SCFD1: variants seen among roughly 807,000 people sequenced by gnomAD.
The protein encoded by SCFD1 is sec1 family domain containing 1.
A neutral mutation model predicts 103.2 loss-of-function variants in SCFD1; 37 were observed. The observed-to-expected ratio is 0.36, with a 90% confidence interval of 0.28 to 0.47. SCFD1 has a LOEUF of 0.47. Ranked by LOEUF, SCFD1 falls within the 20% of genes least tolerant of loss-of-function variation. The probability of loss-of-function intolerance (pLI) is 1.00; values close to 1 mark genes in which losing one functional copy is unlikely to be tolerated. For synonymous variants in SCFD1, 264 were observed against 245.0 expected (o/e 1.08, Z -0.73); for missense variants, 639 against 761.2 (o/e 0.84, Z 1.89).
intron 6 of SCFD1, among the ~76,000 whole-genome samples, chr14:30,642,451 A>G (rs1247438583): frequency 1.5e-4 from 23 of 152,218 alleles, no homozygotes; most frequent in Admixed American, 1.5e-3. Flanking sequence ...GGAAAGGGAT[A>G]AGAATCTTTA....
intron 23 of SCFD1, among the ~76,000 whole-genome samples, chr14:30,731,441 C>T (rs1468849010): frequency 6.6e-6 from 1 of 152,146 alleles, no homozygotes; most frequent in Non-Finnish European, 1.5e-5. Context: ...TTACCTTGGG[C>T]AGTATGGCCA....
chr14:30,632,161 G>C (rs766882789), intron 3 of SCFD1, among the ~76,000 whole-genome samples: 39 of 150,524 alleles, frequency 2.6e-4, no homozygotes, highest in Non-Finnish European at 5.3e-4. Context: ...TAAGCTATTT[G>C]CATTTTGTTC....
chr14:30,634,963 G>A (rs1191669469), intron 4 of SCFD1: 1 of 455,896 alleles, frequency 2.2e-6, no homozygotes, highest in East Asian at 6.9e-5. Context: ...TCAATATTTA[G>A]ATGAGTCACC....
rs59654790 is a variant in SCFD1 at position 30,724,072 on chromosome 14, TA to T, written c.1836+1537del. Reference sequence around the variant, plus strand: ...TTTCTCCAAAACCTCACCAGTATCTTAAAAAAAAAAAAAAAAAAAAAAAAGG... The same window carrying T: ...TTTCTCCAAAACCTCACCAGTATCTTAAAAAAAAAAAAAAAAAAAAAAAGG... On this transcript the variant is annotated intron_variant, in intron 23 of 24. Coordinates refer to ENST00000458591, the MANE Select transcript of SCFD1 (RefSeq NM_016106.4). Among the ~76,000 whole-genome samples, 744 of 91,328 alleles carry T rather than the reference TA, an allele frequency of 8.1e-3. 6 individuals carry two copies. The highest frequency in any genetic ancestry group is 0.029 in the African/African-American group (573 of 19,784). 59.9% of individuals were successfully genotyped at this position (91,328 alleles called of 152,430 possible).
chr14:30,652,385 T>G (rs1886481534), intron 9 of SCFD1: 1 of 152,178 alleles, frequency 6.6e-6, no homozygotes, highest in African/African-American at 2.4e-5. Flanking sequence ...ATCATATGCC[T>G]TCTCTGTTAA....
intron 11 of SCFD1, among the ~76,000 whole-genome samples, chr14:30,672,826 T>G (rs1481573222): frequency 2.6e-5 from 4 of 152,196 alleles, no homozygotes; most frequent in Non-Finnish European, 5.9e-5. Context: ...CAGGTGATAT[T>G]TTTAAATGCT....
chr14:30,730,103 G>A (rs1893343168), intron 23 of SCFD1, among the ~76,000 whole-genome samples: 1 of 152,176 alleles, frequency 6.6e-6, no homozygotes, highest in Admixed American at 6.6e-5. Flanking sequence ...GTGAGAACAT[G>A]CAGTGTTTGG....
At chr14:30,636,735 A>G (rs938174064) in intron 4 of SCFD1, among the ~76,000 whole-genome samples, 2 of 152,028 alleles carry the variant, frequency 1.3e-5, no homozygotes, top group African/African-American at 4.8e-5. Flanking sequence ...TTAGCTTGTC[A>G]TAAGTTTTGT....
intron 11 of SCFD1, among the ~76,000 whole-genome samples, chr14:30,670,809 A>G (rs761832132): frequency 2.6e-5 from 4 of 152,076 alleles, no homozygotes; most frequent in Non-Finnish European, 4.4e-5. Context: ...ACCTAAGCCT[A>G]AAAGCCTAGA....
intron 5 of SCFD1, 76 bp downstream of exon 5, chr14:30,638,323 A>G (rs1884935735): frequency 6.3e-7 from 1 of 1,596,310 alleles, no homozygotes; most frequent in African/African-American, 1.3e-5. Flanking sequence ...TAGTTGGCAT[A>G]GATATCTATT....
chr14:30,698,814 CAT>C (rs778628452), intron 15 of SCFD1, among the ~76,000 whole-genome samples: 14 of 152,232 alleles, frequency 9.2e-5, no homozygotes, highest in Non-Finnish European at 1.8e-4. Context: ...AAAGTAACCT[CAT>C]AAAGTTGTTC....
At chr14:30,623,854 A>G (rs749014218) in intron 1 of SCFD1, among the ~76,000 whole-genome samples, 1 of 152,170 alleles carries the variant, frequency 6.6e-6, no homozygotes, top group Non-Finnish European at 1.5e-5. Flanking sequence ...TTGTATATAT[A>G]TTATAATGCA....
At position 30,700,255 on chromosome 14, in the gene SCFD1, T is replaced by A. The variant is rs200993969; in HGVS notation, c.1407T>A (p.Ser469=). The change falls in exon 16 of 25, where the codon TCT becomes TCA. Residue 469 remains serine, a synonymous_variant. Coordinates refer to ENST00000458591, the MANE Select transcript of SCFD1 (RefSeq NM_016106.4). ...ATATAAGCACACAGCAAGCACCTTC[T>A]GAGGTATGTCCTTTATTCAGTTATT... ...IYYISTQQAP[S]EADLEQYKKA... The A allele has an allele frequency of 1.4e-5, 23 of 1,592,880 alleles. No individual in the cohort carries two copies. Among genetic ancestry groups the A allele is most frequent in the Non-Finnish European group, 1.6e-5 (19 of 1,160,912 alleles).
rs575297438 is a variant in SCFD1, at chr14:30,627,812, AAAC to A, written c.62-395_62-393del. 9.9e-5 allele frequency among the ~76,000 whole-genome samples: 15 copies of A among 151,584 alleles called. No individual in the cohort carries two copies. In the South Asian group the frequency reaches 2.3e-3, roughly 23 times the overall value. ...CTAGGCCACTCACACTTAAAAAAAA[AAAC>A]AGACAGACAGACTGATCCTTCTCAC... On this transcript the variant is annotated intron_variant, in intron 1 of 24. Coordinates refer to ENST00000458591, the MANE Select transcript of SCFD1 (RefSeq NM_016106.4).
chr14:30,722,466 T>TG, intron 22 of SCFD1, 28 bp from the exon 23 acceptor site: 2 of 1,548,586 alleles, frequency 1.3e-6, no homozygotes, highest in South Asian at 1.2e-5. Context: ...AACTGTGTTT[T>TG]TTTTTTTTTA....
intron 24 of SCFD1, chr14:30,735,168 T>C: frequency 3.2e-6 from 1 of 309,302 alleles, no homozygotes; most frequent in Non-Finnish European, 5.9e-6. Flanking sequence ...CTTTATATTG[T>C]CACAAAGTTA....
intron 14 of SCFD1, 70 bp from the exon 15 acceptor site, chr14:30,694,703 A>T (rs12886458): frequency 6.7e-7 from 1 of 1,488,316 alleles, no homozygotes; most frequent in Non-Finnish European, 8.9e-7. Flanking sequence ...ATAGAAACTT[A>T]TAAGGTGAGT....
chr14:30,662,760 T>G (rs1469984428), intron 10 of SCFD1, among the ~76,000 whole-genome samples: 2 of 152,222 alleles, frequency 1.3e-5, no homozygotes, highest in African/African-American at 2.4e-5. Context: ...TATCCAGAGA[T>G]TATTTTGTTA....
intron 1 of SCFD1, 174 bp downstream of exon 1, chr14:30,622,573 G>C: frequency 8.6e-7 from 1 of 1,160,682 alleles, no homozygotes; most frequent in Non-Finnish European, 1.2e-6. Context: ...TTGAGGACTC[G>C]GTTCCTCCTG....
Sources: allele counts gnomAD v4.1 joint callset (sites outside exome capture counted in the v4.1 genomes callset), GRCh38; gene constraint gnomAD v4.1.1; transcripts MANE v1.5; gene names NCBI Gene and HGNC (gene_info 2026-07-23, HGNC 2026-07-21).